Variants in PIN4 observed in about 807,000 individuals in gnomAD.
PIN4 encodes peptidylprolyl cis/trans isomerase, NIMA-interacting 4.
Under a neutral mutation model 8.3 loss-of-function variants are expected in PIN4, and 3 were observed. That is an observed-to-expected ratio of 0.36 (90% CI 0.16 to 0.93). PIN4 has a LOEUF of 0.93. PIN4 is among the 40% of genes least tolerant of loss of function. The probability of loss-of-function intolerance (pLI) is 0.44; values close to 1 mark genes in which losing one functional copy is unlikely to be tolerated. For synonymous variants in PIN4, 18 were observed against 32.5 expected (o/e 0.55, Z 1.52); for missense variants, 75 against 100.6 (o/e 0.75, Z 1.09).
chrX:72,203,422 A>G (rs1431303031), intron 3 of PIN4, among the ~76,000 whole-genome samples: 1 of 111,985 alleles, frequency 8.9e-6, no homozygotes, highest in Non-Finnish European at 1.9e-5. Context: ...TGTGGTTAAC[A>G]TGGGGACCGA....
chrX:72,203,055 A>G (rs1380800628), downstream of PIN4, among the ~76,000 whole-genome samples: 1 of 111,476 alleles, frequency 9.0e-6, no homozygotes, highest in Non-Finnish European at 1.9e-5. Flanking sequence ...CAACCTCTGC[A>G]GAGGGGAGAG....
chrX:72,188,886 C>T lies in PIN4; in HGVS notation c.117+2352C>T, dbSNP rs759749553. On this transcript the variant is annotated intron_variant, in intron 2 of 3. Coordinates refer to ENST00000373669, the MANE Select transcript of PIN4 (RefSeq NM_006223.4). ...AAAAAAAATAAGTTCAATGTGGCCA[C>T]TCATGAGATATATGGAAAGGAGTGG... 1.5e-4 allele frequency among the ~76,000 whole-genome samples: 17 copies of T among 111,969 alleles called. 1 individual carries two copies. In the South Asian group the frequency reaches 5.9e-3, roughly 39 times the overall value.
intron 3 of PIN4, among the ~76,000 whole-genome samples, chrX:72,211,791 A>T: frequency 9.0e-6 from 1 of 111,072 alleles, no homozygotes; most frequent in Non-Finnish European, 1.9e-5. Flanking sequence ...TCAAAAATAA[A>T]AAAAAAAAGA....
chrX:72,255,503 C>T (rs1438247243), intron 3 of PIN4, among the ~76,000 whole-genome samples: 1 of 109,296 alleles, frequency 9.1e-6, no homozygotes, highest in African/African-American at 3.3e-5. Flanking sequence ...TCGGCCTTTC[C>T]TGCCGCCTTC....
Position 72,197,994 on chromosome X carries a change from G to GT in PIN4, c.*469dup. 1.3e-6 allele frequency: 1 copy of GT among 752,034 alleles called. No individual in the cohort carries two copies. 62.0% of individuals were successfully genotyped at this position (752,034 alleles called of 1,213,427 possible). A position where few individuals can be genotyped will look rare whatever the true frequency, so the allele number is the denominator to read the frequency against. ...CAACTCTGATCTTCCAGGACAGGTG[G>GT]TATTAGCTCCACTGTCTTAACATAG... On this transcript the variant is annotated 3_prime_UTR_variant, in exon 4 of 4. Coordinates refer to ENST00000373669, the MANE Select transcript of PIN4 (RefSeq NM_006223.4).
chrX:72,238,955 C>A, intron 3 of PIN4: 2 of 935,038 alleles, frequency 2.1e-6, no homozygotes, highest in South Asian at 2.2e-5. Flanking sequence ...GAGTTTGGAG[C>A]TTGGAGCTTG....
intron 3 of PIN4, chrX:72,237,688 G>A (rs2043025448): frequency 9.1e-6 from 1 of 110,201 alleles, no homozygotes; most frequent in Non-Finnish European, 1.9e-5. Context: ...CATGAGCCCC[G>A]GGGGATGGAA....
downstream of PIN4, among the ~76,000 whole-genome samples, chrX:72,201,083 C>T (rs1427839090): frequency 9.0e-6 from 1 of 110,557 alleles, no homozygotes; most frequent in Non-Finnish European, 1.9e-5. Flanking sequence ...CCTGTAGTGT[C>T]TGCTCTTCAG....
intron 1 of PIN4, among the ~76,000 whole-genome samples, chrX:72,182,085 A>C: frequency 8.9e-6 from 1 of 112,483 alleles, no homozygotes; most frequent in Non-Finnish European, 1.9e-5. Flanking sequence ...AGAGCTCTAA[A>C]ATTGGGTCTT....
Position 72,251,047 on chromosome X carries a change from T to C in PIN4, c.313-11660T>C, listed in dbSNP as rs1288468794. ...GAGCCACCACGCCCGGCCTGGTACA[T>C]GCATTTTTTTAAAAAATATGTGTGA... On this transcript the variant is annotated intron_variant, in intron 3 of 3. Transcript: ENST00000423432. 4.7e-5 allele frequency among the ~76,000 whole-genome samples: 5 copies of C among 105,595 alleles called. No individual in the cohort carries two copies. The Admixed American group carries it at 5.0e-4, about 10-fold the overall frequency. 91.7% of individuals were successfully genotyped at this position (105,595 alleles called of 115,157 possible).
intron 3 of PIN4, among the ~76,000 whole-genome samples, chrX:72,256,330 G>T (rs1258965470): frequency 8.9e-6 from 1 of 111,879 alleles, no homozygotes; most frequent in Non-Finnish European, 1.9e-5. Context: ...ATAAGGAATT[G>T]GCTCACATGA....
downstream of PIN4, among the ~76,000 whole-genome samples, chrX:72,202,704 A>G (rs1417346067): frequency 8.9e-6 from 1 of 111,917 alleles, no homozygotes; most frequent in African/African-American, 3.3e-5. Flanking sequence ...CTAAAATAGT[A>G]ATAATTGCTT....
intron 1 of PIN4, 148 bp from the exon 2 acceptor site, chrX:72,186,313 G>C (rs759997469): frequency 3.9e-6 from 2 of 515,360 alleles, no homozygotes; most frequent in Non-Finnish European, 7.0e-6. Context: ...AAGCTGAAAG[G>C]TTGGATACCC....
intron 3 of PIN4, among the ~76,000 whole-genome samples, chrX:72,246,110 G>A (rs754513311): frequency 6.5e-4 from 72 of 110,920 alleles, no homozygotes; most frequent in African/African-American, 2.3e-3. Context: ...ACATGGCACC[G>A]AACTCACCCT....
At chrX:72,212,669 G>A (rs1020607743) in intron 3 of PIN4, among the ~76,000 whole-genome samples, 5 of 112,230 alleles carry the variant, frequency 4.5e-5, no homozygotes, top group African/African-American at 6.5e-5. Context: ...AGCTGGGAGC[G>A]GTGGCTTGAG....
chrX:72,238,948 TTTGGAGCTTGGAGCTTGGAGC>T (rs749542997), intron 3 of PIN4: 15 of 1,114,450 alleles, frequency 1.3e-5, no homozygotes, highest in Non-Finnish European at 1.7e-5. Context: ...CCGGCGGGAG[TTTGGAGCTTGGAGCTTGGAGC>T]TTGGAGCTTG....
intron 3 of PIN4, among the ~76,000 whole-genome samples, chrX:72,229,756 T>C (rs773401225): frequency 8.9e-6 from 1 of 111,846 alleles, no homozygotes; most frequent in East Asian, 2.8e-4. Flanking sequence ...GCCATCCATG[T>C]CATTCCCTTA....
At chrX:72,256,805 C>T (rs947934833) in intron 3 of PIN4, among the ~76,000 whole-genome samples, 9 of 111,854 alleles carry the variant, frequency 8.0e-5, no homozygotes, top group African/African-American at 2.9e-4. Flanking sequence ...GGGCAGCAAG[C>T]CATGCAGACT....
At chrX:72,226,957 C>T (rs1046213372) in intron 3 of PIN4, among the ~76,000 whole-genome samples, 1 of 111,789 alleles carries the variant, frequency 8.9e-6, no homozygotes, top group African/African-American at 3.3e-5. Context: ...TATAAAGGAA[C>T]AGCTAAAGGC....
Sources: allele counts gnomAD v4.1 joint callset (sites outside exome capture counted in the v4.1 genomes callset), GRCh38; gene constraint gnomAD v4.1.1; transcripts MANE v1.5; gene names NCBI Gene and HGNC (gene_info 2026-07-23, HGNC 2026-07-21).